TNIK: variants seen among roughly 807,000 people sequenced by gnomAD.
The protein encoded by TNIK is TRAF2 and NCK interacting kinase, also known as TRAF2 and NCK-interacting protein kinase.
A neutral mutation model predicts 191.3 loss-of-function variants in TNIK; 49 were observed. The ratio of observed to expected loss-of-function variants is 0.26; its 90% CI spans 0.20 to 0.32. The LOEUF is 0.32. Among genes scored for constraint, TNIK ranks in the 10% least tolerant of loss-of-function variants. The pLI is 1.00. For missense variants in TNIK, 1,155 were observed against 1,702.3 expected (o/e 0.68, Z 5.66); for synonymous variants, 594 against 600.9 (o/e 0.99, Z 0.17).
intron 23 of TNIK, among the ~76,000 whole-genome samples, chr3:171,091,954 CTT>C (rs749686909): frequency 1.4e-5 from 2 of 144,254 alleles, no homozygotes. Context: ...TTCTTTCTTT[CTT>C]TTTTTTTTTT....
intron 21 of TNIK, among the ~76,000 whole-genome samples, chr3:171,105,787 AT>A (rs1364738972): frequency 6.6e-6 from 1 of 152,122 alleles, no homozygotes; most frequent in Non-Finnish European, 1.5e-5. Context: ...AACTCATGTA[AT>A]TCCTCTTGAG....
At position 171,317,043 on chromosome 3, in the gene TNIK, T is replaced by A. The variant is rs188876061; in HGVS notation, c.123+52577A>T. On this transcript the variant is annotated intron_variant, in intron 2 of 32. Transcript: ENST00000436636. ...AAAATATATAATTATATATCTTTTA[T>A]AATTAAAAGATCGTATCTGAAAAGT... Among the ~76,000 whole-genome samples the A allele has an allele frequency of 3.1e-3, 459 of 148,728 alleles. 4 individuals carry two copies. Among genetic ancestry groups the A allele is most frequent in the Non-Finnish European group, 2.9e-3 (193 of 67,388 alleles).
intron 10 of TNIK, among the ~76,000 whole-genome samples, chr3:171,162,238 A>G (rs963864983): frequency 2.0e-5 from 3 of 151,866 alleles, no homozygotes; most frequent in Non-Finnish European, 4.4e-5. Flanking sequence ...AGGCTAACAC[A>G]GTGAAACCCC....
At chr3:171,385,769 C>G (rs1286383189) in intron 1 of TNIK, among the ~76,000 whole-genome samples, 1 of 152,176 alleles carries the variant, frequency 6.6e-6, no homozygotes, top group Non-Finnish European at 1.5e-5. Context: ...AATCCTATCA[C>G]TTATAGGACA....
At chr3:171,081,708 TC>T (rs397940213) in intron 27 of TNIK, among the ~76,000 whole-genome samples, 6 of 151,308 alleles carry the variant, frequency 4.0e-5, no homozygotes, top group Non-Finnish European at 5.9e-5. Flanking sequence ...TTTTTTTTTT[TC>T]CTATATAAGG....
intron 1 of TNIK, among the ~76,000 whole-genome samples, chr3:171,444,281 G>A (rs562281317): frequency 6.6e-6 from 1 of 152,178 alleles, no homozygotes; most frequent in African/African-American, 2.4e-5. Flanking sequence ...AAAGTCTGTG[G>A]GATTTCCCAG....
At chr3:171,430,992 AT>A (rs925427719) in intron 1 of TNIK, among the ~76,000 whole-genome samples, 12 of 152,198 alleles carry the variant, frequency 7.9e-5, no homozygotes, top group African/African-American at 2.7e-4. Flanking sequence ...GCTGAACCAG[AT>A]TTAACATTAT....
chr3:171,298,677 CTG>C (rs531045813), intron 2 of TNIK, among the ~76,000 whole-genome samples: 304 of 152,282 alleles, frequency 2.0e-3, no homozygotes, highest in African/African-American at 6.7e-3. Flanking sequence ...CCCTGAATGA[CTG>C]TGTGGAATAC....
chr3:171,102,661 C>T (rs892918080), intron 21 of TNIK, among the ~76,000 whole-genome samples: 1 of 152,114 alleles, frequency 6.6e-6, no homozygotes, highest in Non-Finnish European at 1.5e-5. Flanking sequence ...ATGTGGGAAT[C>T]AGAGCATTCA....
At chr3:171,206,320 G>T (rs1478374625) in intron 4 of TNIK, among the ~76,000 whole-genome samples, 3 of 107,108 alleles carry the variant, frequency 2.8e-5, no homozygotes, top group Non-Finnish European at 4.0e-5. Flanking sequence ...AATATATGGA[G>T]ATATATATGT....
intron 9 of TNIK, among the ~76,000 whole-genome samples, chr3:171,174,419 T>C (rs1221113804): frequency 6.6e-6 from 1 of 152,028 alleles, no homozygotes; most frequent in Admixed American, 6.6e-5. Context: ...AGACCATGAG[T>C]AATCCGAGAT....
chr3:171,182,167 ATTTTTTTTTTTTTTTTT>A (rs749734562), intron 7 of TNIK, among the ~76,000 whole-genome samples: 1 of 65,612 alleles, frequency 1.5e-5, no homozygotes, highest in African/African-American at 5.5e-5. Flanking sequence ...CATTGTTAGG[ATTTTTTTTTTTTTTTTT>A]TTTTTTTTTT....
chr3:171,164,913 C>G (rs940897906), intron 10 of TNIK, among the ~76,000 whole-genome samples: 1 of 152,208 alleles, frequency 6.6e-6, no homozygotes, highest in South Asian at 2.1e-4. Context: ...GATGAGCCAC[C>G]GTTTTGGCCT....
intron 1 of TNIK, among the ~76,000 whole-genome samples, chr3:171,399,719 CAT>C (rs2108571070): frequency 6.6e-6 from 1 of 152,158 alleles, no homozygotes. Flanking sequence ...CTTATAAAAA[CAT>C]ATATATGTGT....
rs117088861 is a variant in TNIK at position 171,395,399 on chromosome 3, G to A, written c.58-25714C>T. Among the ~76,000 whole-genome samples the A allele has an allele frequency of 4.3e-4, 66 of 152,240 alleles. No homozygotes were observed. In the East Asian group the frequency reaches 8.9e-3, roughly 20 times the overall value. The stretch of plus-strand genomic sequence containing the variant: ...GATTGCATATAAAGCTCCTCTAACC[G>A]TGCTTGGCACTTAACAGGCCCCTCA... On this transcript the variant is annotated intron_variant, in intron 1 of 32. Coordinates refer to ENST00000436636, the MANE Select transcript of TNIK (RefSeq NM_015028.4).
intron 17 of TNIK, among the ~76,000 whole-genome samples, chr3:171,124,051 G>C (rs1728142360): frequency 6.6e-6 from 1 of 152,150 alleles, no homozygotes; most frequent in Admixed American, 6.5e-5. Context: ...AATTTCTTTA[G>C]GGTATCATTA....
At chr3:171,161,227 T>C in intron 11 of TNIK, 43 bp downstream of exon 11, 1 of 1,588,500 alleles carries the variant, frequency 6.3e-7, no homozygotes, top group Non-Finnish European at 8.6e-7. Flanking sequence ...ACAAGCACAA[T>C]TCAGAATGTG....
intron 32 of TNIK, 49 bp downstream of exon 32, chr3:171,066,138 G>C (rs1378365232): frequency 3.7e-6 from 6 of 1,603,040 alleles, no homozygotes; most frequent in Non-Finnish European, 5.1e-6. Context: ...CAGGTACCTG[G>C]TGGTCTCTTA....
At chr3:171,258,532 A>G (rs184833447) in intron 2 of TNIK, among the ~76,000 whole-genome samples, 103 of 152,304 alleles carry the variant, frequency 6.8e-4, no homozygotes, top group African/African-American at 2.4e-3. Context: ...TCTCCTCACA[A>G]CTGCCTGTAG....
Sources: allele counts gnomAD v4.1 joint callset (sites outside exome capture counted in the v4.1 genomes callset), GRCh38; gene constraint gnomAD v4.1.1; transcripts MANE v1.5; gene names NCBI Gene and HGNC (gene_info 2026-07-23, HGNC 2026-07-21).